The following PKIB variants were observed in gnomAD, a reference collection of about 807,000 sequenced individuals.
PKIB encodes the protein PKI-beta.
PKIB carries 2 observed loss-of-function variants against 4.5 expected under a neutral mutation model. The ratio of observed to expected loss-of-function variants is 0.44; its 90% CI spans 0.18 to 1.39. The LOEUF (loss-of-function observed/expected upper bound fraction) is 1.39, where lower values mean the gene tolerates loss of function less well. Ranked by LOEUF, PKIB falls within the 40% of genes most tolerant of loss-of-function variation. The pLI is 0.27. For missense variants in PKIB, 94 were observed against 92.6 expected, an observed-to-expected ratio of 1.02 and a Z score of -0.06; for synonymous variants, 38 against 36.0, an observed-to-expected ratio of 1.06 and a Z score of -0.20.
At chr6:122,700,544 A>C (rs1177153465) in intron 3 of PKIB, among the ~76,000 whole-genome samples, 1 of 152,192 alleles carries the variant, frequency 6.6e-6, no homozygotes, top group Admixed American at 6.5e-5. Context: ...TCTTTATTGC[A>C]ACAGAGACAT....
At chr6:122,494,884 A>G (rs898210925) in intron 2 of PKIB, among the ~76,000 whole-genome samples, 11 of 152,340 alleles carry the variant, frequency 7.2e-5, no homozygotes, top group African/African-American at 2.2e-4. Flanking sequence ...AATCCTGGGC[A>G]TGGGAGAACC....
At chr6:122,630,860 A>T (rs1775668491) in intron 1 of PKIB, among the ~76,000 whole-genome samples, 1 of 152,154 alleles carries the variant, frequency 6.6e-6, no homozygotes, top group African/African-American at 2.4e-5. Context: ...AATCAGTATC[A>T]TCCAAAAGTA....
At chr6:122,595,058 G>T (rs1364784389) in intron 3 of PKIB, among the ~76,000 whole-genome samples, 1 of 152,164 alleles carries the variant, frequency 6.6e-6, no homozygotes, top group East Asian at 1.9e-4. Context: ...TGGAACTGAG[G>T]TCTCTAGGCC....
chr6:122,623,301 A>C (rs997247343), intron 1 of PKIB, among the ~76,000 whole-genome samples: 10 of 152,226 alleles, frequency 6.6e-5, no homozygotes, highest in African/African-American at 2.4e-4. Context: ...AGTTGAAACT[A>C]ATTAGCTCTT....
intron 2 of PKIB, among the ~76,000 whole-genome samples, chr6:122,667,538 AAAAATAAAAATG>A (rs1329459851): frequency 1.3e-5 from 2 of 152,200 alleles, no homozygotes; most frequent in African/African-American, 2.4e-5. Flanking sequence ...CTGTCTCAAA[AAAAATAAAAATG>A]AAAATAAAAA....
At chr6:122,539,631 T>C (rs543321817) in intron 2 of PKIB, among the ~76,000 whole-genome samples, 105 of 152,168 alleles carry the variant, frequency 6.9e-4, no homozygotes, top group African/African-American at 2.3e-3. Flanking sequence ...AGGATATTGG[T>C]CTAAAATTCT....
chr6:122,657,010 C>G (rs1490218412), intron 2 of PKIB, among the ~76,000 whole-genome samples: 1 of 151,932 alleles, frequency 6.6e-6, no homozygotes, highest in Non-Finnish European at 1.5e-5. Flanking sequence ...CTCTTTTAGT[C>G]TTCAATTAAA....
At chr6:122,660,100 C>T (rs1233239922) in intron 2 of PKIB, among the ~76,000 whole-genome samples, 1 of 152,180 alleles carries the variant, frequency 6.6e-6, no homozygotes, top group Non-Finnish European at 1.5e-5. Context: ...AGGCTAAGCA[C>T]TGAATCATTT....
At chr6:122,575,996 A>G (rs1028572431) in intron 2 of PKIB, among the ~76,000 whole-genome samples, 6 of 152,232 alleles carry the variant, frequency 3.9e-5, no homozygotes, top group African/African-American at 1.4e-4. Context: ...ACAACAGTAC[A>G]CACTACACAA....
chr6:122,685,904 CAA>C, intron 3 of PKIB, among the ~76,000 whole-genome samples: 1 of 152,184 alleles, frequency 6.6e-6, no homozygotes, highest in Non-Finnish European at 1.5e-5. Context: ...TGAGAACATG[CAA>C]AGTTTGTCTT....
intron 2 of PKIB, among the ~76,000 whole-genome samples, chr6:122,641,238 A>C (rs901032829): frequency 6.6e-6 from 1 of 152,176 alleles, no homozygotes; most frequent in Non-Finnish European, 1.5e-5. Context: ...TTTTTGAAAT[A>C]TATGTAGATA....
intron 2 of PKIB, among the ~76,000 whole-genome samples, chr6:122,533,738 A>G (rs1184630893): frequency 1.3e-5 from 2 of 152,198 alleles, no homozygotes; most frequent in Non-Finnish European, 2.9e-5. Context: ...TCGTGAGAAC[A>G]TTGCCTGATT....
intron 2 of PKIB, among the ~76,000 whole-genome samples, chr6:122,669,993 G>A (rs551182618): frequency 6.6e-6 from 1 of 151,834 alleles, no homozygotes; most frequent in East Asian, 1.9e-4. Flanking sequence ...GGCTGGTATA[G>A]TGGCTTAACC....
chr6:122,618,948 C>G (rs1775102250), intron 1 of PKIB, among the ~76,000 whole-genome samples: 1 of 152,084 alleles, frequency 6.6e-6, no homozygotes, highest in African/African-American at 2.4e-5. Flanking sequence ...TACTAACATA[C>G]TAATACAGTT....
chr6:122,513,230 A>G (rs778642111), intron 2 of PKIB, among the ~76,000 whole-genome samples: 6 of 152,120 alleles, frequency 3.9e-5, no homozygotes, highest in Non-Finnish European at 8.8e-5. Context: ...TTCCCACACC[A>G]TTTAGGCCAG....
At chr6:122,475,071 T>C (rs1775417465) in intron 1 of PKIB, among the ~76,000 whole-genome samples, 1 of 152,162 alleles carries the variant, frequency 6.6e-6, no homozygotes, top group Non-Finnish European at 1.5e-5. Context: ...GCTTGCTCTA[T>C]TGCCCAGGCT....
At chr6:122,624,906 G>A (rs1437886018) in intron 1 of PKIB, among the ~76,000 whole-genome samples, 3 of 152,260 alleles carry the variant, frequency 2.0e-5, no homozygotes, top group Non-Finnish European at 2.9e-5. Context: ...TTTATTAAAT[G>A]TCAAAATCCC....
At position 122,617,542 on chromosome 6, in the gene PKIB, A is replaced by G. The variant is rs150743205; in HGVS notation, c.-161+7007A>G. 1.7e-3 allele frequency among the ~76,000 whole-genome samples: 254 copies of G among 152,322 alleles called. 3 individuals are homozygous for G. The East Asian group carries it at 0.033, about 20-fold the overall frequency. On this transcript the variant is annotated intron_variant, in intron 1 of 4. Coordinates refer to ENST00000368452, the MANE Select transcript of PKIB (RefSeq NM_181795.3). ...TCAGTGAAACACTGGAGGAAACAAAACATTGTTTTTACTCATAGATATTTA... is the reference window on the plus strand; with the variant it reads ...TCAGTGAAACACTGGAGGAAACAAAGCATTGTTTTTACTCATAGATATTTA...
At chr6:122,616,276 A>C (rs1187566004) in intron 1 of PKIB, among the ~76,000 whole-genome samples, 3 of 152,158 alleles carry the variant, frequency 2.0e-5, no homozygotes, top group Non-Finnish European at 2.9e-5. Context: ...CAAGTCATAG[A>C]CATAAGAGGA....
Sources: allele counts gnomAD v4.1 joint callset (sites outside exome capture counted in the v4.1 genomes callset), GRCh38; gene constraint gnomAD v4.1.1; transcripts MANE v1.5; gene names NCBI Gene and HGNC (gene_info 2026-07-23, HGNC 2026-07-21).